CLASRP: variants seen among roughly 807,000 people sequenced by gnomAD.
CLASRP encodes CLK4-associating serine/arginine rich protein.
In CLASRP, 52 loss-of-function variants were observed where a neutral mutation model predicts 99.9. The observed-to-expected ratio is 0.52, with a 90% CI of 0.42 to 0.66. The LOEUF (loss-of-function observed/expected upper bound fraction) is 0.66, where lower values mean the gene tolerates loss of function less well. CLASRP is among the 30% of genes least tolerant of loss of function. The pLI is 0.00. For missense variants in CLASRP, 848 were observed against 999.2 expected, an observed-to-expected ratio of 0.85 and a Z score of 2.04; for synonymous variants, 379 against 373.0, an observed-to-expected ratio of 1.02 and a Z score of -0.18.
chr19:45,066,042 C>G (rs557414382), intron 13 of CLASRP, among the ~76,000 whole-genome samples: 21 of 152,302 alleles, frequency 1.4e-4, no homozygotes, highest in African/African-American at 4.8e-4. Flanking sequence ...GACCGCTCAG[C>G]AGCAGGTCTA....
chr19:45,053,001 C>A lies in CLASRP; in HGVS notation c.300-97C>A, dbSNP rs1972054510. On this transcript the variant is annotated intron_variant, in intron 4 of 20. Transcript: ENST00000221455. Reference sequence around the variant, plus strand: ...TAGGAGCCGTTCCTATTTGGTACCGCCCTGAGCCTGAGGGGGATGCCTCAT... The same window carrying A: ...TAGGAGCCGTTCCTATTTGGTACCGACCTGAGCCTGAGGGGGATGCCTCAT... The A allele has an allele frequency of 3.9e-6, 6 of 1,542,728 alleles. No individual in the cohort carries two copies. The South Asian group carries it at 6.8e-5, about 17-fold the overall frequency.
Position 45,039,052 on chromosome 19 carries a change from T to G in CLASRP, c.-86T>G, listed in dbSNP as rs932737616. On this transcript the variant is annotated 5_prime_UTR_variant, in exon 1 of 21. The change creates a new upstream start codon in the 5' untranslated region. Coordinates refer to ENST00000221455, the MANE Select transcript of CLASRP (RefSeq NM_007056.3). ...CCCTCCCCCTAGCGCGGCCTTTCAT[T>G]TCCGCTTCCGGTGCGGGCCGCGCGC... 1 of 151,952 alleles carries G rather than the reference T, an allele frequency of 6.6e-6. No homozygotes were observed. The highest frequency in any genetic ancestry group is 1.5e-5 in the Non-Finnish European group (1 of 67,994). The allele number at this position is 151,952 out of a possible 1,614,324, so 9.4% of individuals were successfully genotyped here.
In CLASRP at chr19:45,057,757, GAGA is replaced by G; in HGVS notation, c.478_480del (p.Lys160del). 1 of 1,614,008 alleles carries G rather than the reference GAGA, an allele frequency of 6.2e-7. No homozygotes were observed. The highest frequency in any genetic ancestry group is 8.5e-7 in the Non-Finnish European group (1 of 1,179,908). ...CCAGCTCCCCTTTCTCAGGCTGGCA[GAGA>G]AGAAGGCTTCCATCGGTTATACCTA... On this transcript the variant is annotated inframe_deletion, in exon 7 of 21. Transcript: ENST00000221455.
intron 5 of CLASRP, 110 bp from the exon 6 acceptor site, chr19:45,056,340 G>A: frequency 1.2e-6 from 1 of 850,698 alleles, no homozygotes; most frequent in Non-Finnish European, 2.0e-6. Context: ...TGCCCCCCAA[G>A]GTGCACTGGG....
At chr19:45,048,351 A>G (rs1971959753) in intron 2 of CLASRP, among the ~76,000 whole-genome samples, 1 of 150,122 alleles carries the variant, frequency 6.7e-6, no homozygotes, top group African/African-American at 2.5e-5. Flanking sequence ...CCTGGCCAAC[A>G]TGGTGAAATC....
chr19:45,040,221 C>T lies in CLASRP; in HGVS notation c.9C>T (p.His3=). The T allele has an allele frequency of 1.2e-6, 2 of 1,607,168 alleles. No homozygotes were observed. The highest frequency in any genetic ancestry group is 2.2e-5 in the East Asian group (1 of 44,722). Reference sequence around the variant, plus strand: ...GGCTTGGCCTCACCACAATGTGGCACGAGGCTCGGAAGCATGAGCGGAAGC... The same window carrying T: ...GGCTTGGCCTCACCACAATGTGGCATGAGGCTCGGAAGCATGAGCGGAAGC... The part of the protein sequence containing the change: MW[H]EARKHERKLR... Residue 3 remains histidine (H), a synonymous_variant, in exon 2 of 21, where the codon CAC becomes CAT. Transcript: ENST00000221455.
intron 2 of CLASRP, among the ~76,000 whole-genome samples, chr19:45,043,918 G>A (rs1171966453): frequency 6.6e-6 from 1 of 151,728 alleles, no homozygotes. Context: ...GTCTGGCTCT[G>A]TCGCCCAGGC....
At position 45,064,472 on chromosome 19, in the gene CLASRP, CCGGTCCCGCTCCTGGT is replaced by C; in HGVS notation, c.1253_1268del (p.Arg418ProfsTer86). The C allele has an allele frequency of 6.5e-7, 1 of 1,531,982 alleles. No homozygotes were observed. The highest frequency in any genetic ancestry group is 8.8e-7 in the Non-Finnish European group (1 of 1,142,750). The allele number at this position is 1,531,982 out of a possible 1,614,324, so 94.9% of individuals were successfully genotyped here. A position where few individuals can be genotyped will look rare whatever the true frequency, so the allele number is the denominator to read the frequency against. On this transcript the variant is annotated frameshift_variant, in exon 13 of 21. Transcript: ENST00000221455. LOFTEE classifies it high-confidence loss of function. ...ACCGTTCCGGCCGCCACGCCCGCTC[CCGGTCCCGCTCCTGGT>C]CCCGCTCCCGCTCCCGCTCCCGGCG...
At chr19:45,056,651 C>T in intron 6 of CLASRP, 117 bp downstream of exon 6, 1 of 820,708 alleles carries the variant, frequency 1.2e-6, no homozygotes, top group South Asian at 1.5e-5. Context: ...GGATGGTGTT[C>T]AGCACACAGT....
chr19:45,067,170 C>T lies in CLASRP; in HGVS notation c.1410-167C>T, dbSNP rs115830749. Reference sequence around the variant, plus strand: ...GCCATCTCTGTAGCCGGAGGGAGGCCGGAATGCCGCTCTGGGACATTTTGG... The same window carrying T: ...GCCATCTCTGTAGCCGGAGGGAGGCTGGAATGCCGCTCTGGGACATTTTGG... On this transcript the variant is annotated intron_variant, in intron 13 of 20. Transcript: ENST00000221455. The surrounding 1 kb of genome is among the most constrained non-coding windows in gnomAD (Gnocchi z 4.9). Among the ~76,000 whole-genome samples, 1,485 of 152,274 alleles carry T rather than the reference C, an allele frequency of 9.8e-3. 33 individuals carry two copies. The highest frequency in any genetic ancestry group is 0.033 in the African/African-American group (1,384 of 41,552).
intron 2 of CLASRP, among the ~76,000 whole-genome samples, chr19:45,048,745 T>C (rs1408727891): frequency 6.6e-6 from 1 of 151,916 alleles, no homozygotes; most frequent in Non-Finnish European, 1.5e-5. Flanking sequence ...CCCAGCACTT[T>C]GGGAGGCCGA....
At chr19:45,045,204 C>T (rs1304213856) in intron 2 of CLASRP, among the ~76,000 whole-genome samples, 2 of 152,184 alleles carry the variant, frequency 1.3e-5, no homozygotes, top group Non-Finnish European at 2.9e-5. Flanking sequence ...AGGGGCAAAG[C>T]GCTCATGCCA....
intron 19 of CLASRP, 98 bp downstream of exon 19, chr19:45,070,202 C>T: frequency 1.2e-6 from 1 of 806,526 alleles, no homozygotes; most frequent in Non-Finnish European, 2.2e-6. Flanking sequence ...CGCGGTGGCT[C>T]ACGCCTGTAA....
rs185357412 is a variant in CLASRP at position 45,041,578 on chromosome 19, A to C, written c.99+1267A>C. ...CCAGTTATTCCTGTATTACTGCCCCAGCCTCCTCCCTGGTCTGCTGGCCTC... is the reference window on the plus strand; with the variant it reads ...CCAGTTATTCCTGTATTACTGCCCCCGCCTCCTCCCTGGTCTGCTGGCCTC... On this transcript the variant is annotated intron_variant, in intron 2 of 20. Coordinates refer to ENST00000221455, the MANE Select transcript of CLASRP (RefSeq NM_007056.3). Among the ~76,000 whole-genome samples, 4 of 152,280 alleles carry C rather than the reference A, an allele frequency of 2.6e-5. No individual in the cohort carries two copies. The East Asian group carries it at 5.8e-4, about 22-fold the overall frequency.
intron 2 of CLASRP, 143 bp from the exon 3 acceptor site, chr19:45,051,928 A>G (rs1972031086): frequency 1.6e-6 from 1 of 637,480 alleles, no homozygotes; most frequent in Admixed American, 2.6e-5. Context: ...AGACAGCACC[A>G]TTGCACTCCA....
In CLASRP at chr19:45,060,365, C is replaced by A; in HGVS notation, c.711-24C>A. On this transcript the variant is annotated intron_variant, in intron 8 of 20. Coordinates refer to ENST00000221455, the MANE Select transcript of CLASRP (RefSeq NM_007056.3). This position sits in a 1 kb window ranked among gnomAD's most constrained non-coding sequence, Gnocchi z 4.6. ...CCCTGTGGCCTGCCCCATCCTCCAC[C>A]CTAATTCTCACCCACCTCTATAGGA... 6.2e-7 allele frequency: 1 copy of A among 1,610,868 alleles called. No individual in the cohort carries two copies. Among genetic ancestry groups the A allele is most frequent in the Non-Finnish European group, 8.5e-7 (1 of 1,177,104 alleles).
rs1480827297 is a variant in CLASRP at position 45,053,130 on chromosome 19, G to C, written c.332G>C (p.Cys111Ser). The change falls in exon 5 of 21, where the codon TGT (cysteine) becomes TCT (serine). Residue 111 changes from cysteine to serine, a missense_variant. Physicochemically the swap from Cys to Ser is moderately radical, Grantham distance 112 (BLOSUM62 -1). Coordinates refer to ENST00000221455, the MANE Select transcript of CLASRP (RefSeq NM_007056.3). ...GAACAGGAGTCGGACGAACGGAAGTGTAACTACGAGCGCTACAGAGGCCTG... is the reference window on the plus strand; with the variant it reads ...GAACAGGAGTCGGACGAACGGAAGTCTAACTACGAGCGCTACAGAGGCCTG... ...SPEQESDERK[C>S]NYERYRGLVQ... 6.2e-7 allele frequency: 1 copy of C among 1,614,084 alleles called. No homozygotes were observed. The highest frequency in any genetic ancestry group is 1.7e-5 in the Admixed American group (1 of 59,988).
chr19:45,059,174 G>A (rs1053606127), intron 7 of CLASRP, 94 bp from the exon 8 acceptor site: 21 of 989,498 alleles, frequency 2.1e-5, no homozygotes, highest in East Asian at 7.8e-5. Flanking sequence ...TCAGTCTGGC[G>A]GGCGCCCCAT....
At chr19:45,039,345 C>G (rs550840744) in intron 1 of CLASRP, among the ~76,000 whole-genome samples, 39 of 151,624 alleles carry the variant, frequency 2.6e-4, no homozygotes, top group African/African-American at 9.2e-4. Context: ...TCACAGGCCC[C>G]GCCCCCTTGT....
Sources: gnomAD v4.1 joint callset for allele counts (sites outside exome capture counted in the v4.1 genomes callset) on GRCh38, gnomAD v4.1.1 for gene constraint, Gnocchi (gnomAD v3.1) non-coding constraint, MANE v1.5 for transcripts, NCBI Gene and HGNC (gene_info 2026-07-23, HGNC 2026-07-21) for gene names.